Variants in IQCH observed in about 807,000 individuals in gnomAD.
The protein encoded by IQCH is IQ motif containing H.
In IQCH, 98 loss-of-function variants were observed where a neutral mutation model predicts 117.0. That is an observed-to-expected ratio of 0.84 (90% confidence interval 0.71 to 0.99). IQCH has a LOEUF of 0.99. Among genes scored for constraint, IQCH ranks in the 50% least tolerant of loss-of-function variants. The pLI, the probability that IQCH is intolerant of heterozygous loss-of-function variation, is 0.00. For missense variants in IQCH, 1,102 were observed against 1,243.8 expected (o/e 0.89, Z 1.72); for synonymous variants, 412 against 448.2 (o/e 0.92, Z 1.02).
intron 18 of IQCH, among the ~76,000 whole-genome samples, chr15:67,478,036 G>A (rs535307308): frequency 3.3e-5 from 5 of 152,192 alleles, no homozygotes; most frequent in South Asian, 2.1e-4. Flanking sequence ...GGTGGATGGC[G>A]CAGAGGAGAA....
intron 8 of IQCH, among the ~76,000 whole-genome samples, chr15:67,368,799 C>G (rs1316798534): frequency 6.6e-6 from 1 of 152,124 alleles, no homozygotes; most frequent in Non-Finnish European, 1.5e-5. Context: ...CACATACTGT[C>G]CACATACATG....
rs185148268 is a variant in IQCH, at chr15:67,360,142, G to A, written c.753+257G>A. On this transcript the variant is annotated intron_variant, in intron 8 of 20. Transcript: ENST00000335894. ...CTTCAGTCCAAACAAATGACTTAGC[G>A]TCCTTAAAATTTGGCTGAATCACAT... 4.4e-3 allele frequency: 1,760 copies of A among 402,430 alleles called. 2 individuals carry two copies. Among genetic ancestry groups the A allele is most frequent in the Non-Finnish European group, 6.6e-3 (1,505 of 229,084 alleles). 24.9% of individuals were successfully genotyped at this position (402,430 alleles called of 1,614,324 possible).
At chr15:67,495,633 C>A (rs1190326730) in intron 20 of IQCH, among the ~76,000 whole-genome samples, 1 of 152,216 alleles carries the variant, frequency 6.6e-6, no homozygotes, top group Non-Finnish European at 1.5e-5. Context: ...GAATCAGATG[C>A]TTTAACCTCA....
chr15:67,339,720 C>A (rs1161527120), intron 5 of IQCH, among the ~76,000 whole-genome samples: 1 of 152,142 alleles, frequency 6.6e-6, no homozygotes, highest in Admixed American at 6.5e-5. Flanking sequence ...CGAAAACAAT[C>A]TCAAAAACCA....
At chr15:67,329,318 G>T (rs1968556929) in intron 4 of IQCH, among the ~76,000 whole-genome samples, 1 of 149,986 alleles carries the variant, frequency 6.7e-6, no homozygotes. Flanking sequence ...AAAAAATGTT[G>T]TACTTCAATA....
intron 4 of IQCH, among the ~76,000 whole-genome samples, chr15:67,310,214 TAAA>T (rs1396668610): frequency 6.6e-6 from 1 of 152,114 alleles, no homozygotes; most frequent in Non-Finnish European, 1.5e-5. Context: ...TTAAGTATAA[TAAA>T]GAAGAATACC....
intron 4 of IQCH, among the ~76,000 whole-genome samples, chr15:67,320,266 C>G (rs762547954): frequency 7.2e-5 from 11 of 152,128 alleles, no homozygotes; most frequent in Admixed American, 2.0e-4. Context: ...AGTATTTAAA[C>G]AAAAATGCCT....
Position 67,496,718 on chromosome 15 carries a change from A to T in IQCH, c.2970+2352A>T, listed in dbSNP as rs577753891. 2.0e-5 allele frequency among the ~76,000 whole-genome samples: 3 copies of T among 152,034 alleles called. No individual in the cohort carries two copies. The highest frequency in any genetic ancestry group is 4.4e-5 in the Non-Finnish European group (3 of 68,006). ...AGAAGGAGAAGGAGAAAAGAAGAAG[A>T]AATAAAAGTAAAAGTATCGGCCGGG... On this transcript the variant is annotated intron_variant, in intron 20 of 20. Coordinates refer to ENST00000335894, the MANE Select transcript of IQCH (RefSeq NM_001031715.3). The surrounding 1 kb of genome is among the most constrained non-coding windows in gnomAD (Gnocchi z 4.4).
In IQCH at chr15:67,376,586, A is replaced by T. The variant is rs1176433394; in HGVS notation, c.1372+3153A>T. On this transcript the variant is annotated intron_variant, in intron 10 of 20. Transcript: ENST00000335894. This position sits in a 1 kb window ranked among gnomAD's most constrained non-coding sequence, Gnocchi z 5.0. ...ATTGGGGCTGCACTAACTTGTTTGA[A>T]CCCTTCAAATGAAAGCTAAGTAGTT... Among the ~76,000 whole-genome samples the T allele has an allele frequency of 6.6e-6, 1 of 152,192 alleles. No homozygotes were observed. Among genetic ancestry groups the T allele is most frequent in the Non-Finnish European group, 1.5e-5 (1 of 68,036 alleles).
At chr15:67,315,928 A>G (rs1274399735) in intron 4 of IQCH, among the ~76,000 whole-genome samples, 2 of 152,192 alleles carry the variant, frequency 1.3e-5, no homozygotes, top group Non-Finnish European at 2.9e-5. Context: ...CCTGCCTGGA[A>G]CAAACAGAAT....
At chr15:67,292,603 A>G (rs1429830513) in intron 4 of IQCH, among the ~76,000 whole-genome samples, 1 of 152,150 alleles carries the variant, frequency 6.6e-6, no homozygotes, top group African/African-American at 2.4e-5. Context: ...TAACATAAAT[A>G]ACCACTTCTC....
chr15:67,390,141 C>G lies in IQCH; in HGVS notation c.1632+1135C>G, dbSNP rs1230074262. Among the ~76,000 whole-genome samples, 1 of 152,148 alleles carries G rather than the reference C, an allele frequency of 6.6e-6. No individual in the cohort carries two copies. The highest frequency in any genetic ancestry group is 1.5e-5 in the Non-Finnish European group (1 of 68,022). ...GGGGCTGGGGAAGCAAAAGAAAGGA[C>G]AAGTGACAAATCACTGCCGTTTATG... On this transcript the variant is annotated intron_variant, in intron 12 of 20. Coordinates refer to ENST00000335894, the MANE Select transcript of IQCH (RefSeq NM_001031715.3). The surrounding 1 kb of genome is among the most constrained non-coding windows in gnomAD (Gnocchi z 5.0).
Position 67,433,374 on chromosome 15 carries a change from T to C in IQCH, c.2505+11797T>C, listed in dbSNP as rs990437665. The stretch of plus-strand genomic sequence containing the variant: ...GGTAAACTAGTGGCCAACTTTGCTA[T>C]GTATATATTACCATTTGTGACTGTC... On this transcript the variant is annotated intron_variant, in intron 16 of 20. Transcript: ENST00000335894. This position sits in a 1 kb window ranked among gnomAD's most constrained non-coding sequence, Gnocchi z 5.4. Among the ~76,000 whole-genome samples, 3 of 152,242 alleles carry C rather than the reference T, an allele frequency of 2.0e-5. No individual in the cohort carries two copies. Among genetic ancestry groups the C allele is most frequent in the African/African-American group, 7.2e-5 (3 of 41,468 alleles).
chr15:67,301,382 G>A (rs1596135061), intron 4 of IQCH, among the ~76,000 whole-genome samples: 2 of 142,456 alleles, frequency 1.4e-5, no homozygotes, highest in East Asian at 2.2e-4. Flanking sequence ...GAATTTCAGT[G>A]AAACATTTGT....
At position 67,469,067 on chromosome 15, in the gene IQCH, T is replaced by C. The variant is rs185036795; in HGVS notation, c.2676+3770T>C. 2.3e-4 allele frequency among the ~76,000 whole-genome samples: 35 copies of C among 152,376 alleles called. No individual in the cohort carries two copies. The East Asian group carries it at 3.3e-3, about 14-fold the overall frequency. The stretch of plus-strand genomic sequence containing the variant: ...CTTTATTTAGCTTGAAGCATTCTTG[T>C]TAAATTGTGATTTAGAAAGGTAGTT... On this transcript the variant is annotated intron_variant, in intron 17 of 20. Transcript: ENST00000335894.
At position 67,369,062 on chromosome 15, in the gene IQCH, A is replaced by G. The variant is rs1382482138; in HGVS notation, c.754-3049A>G. On this transcript the variant is annotated intron_variant, in intron 8 of 20. Transcript: ENST00000335894. The surrounding 1 kb of genome is among the most constrained non-coding windows in gnomAD (Gnocchi z 5.2). Reference sequence around the variant, plus strand: ...CACCACACCCAGCTAGTATTTCTAAATTTTAGAATGCAACACTGGGTCTAT... The same window carrying G: ...CACCACACCCAGCTAGTATTTCTAAGTTTTAGAATGCAACACTGGGTCTAT... Among the ~76,000 whole-genome samples, 1 of 152,066 alleles carries G rather than the reference A, an allele frequency of 6.6e-6. No homozygotes were observed. The highest frequency in any genetic ancestry group is 1.5e-5 in the Non-Finnish European group (1 of 68,024).
intron 4 of IQCH, among the ~76,000 whole-genome samples, chr15:67,302,711 G>A (rs1352790932): frequency 2.0e-5 from 3 of 152,110 alleles, no homozygotes; most frequent in Non-Finnish European, 4.4e-5. Context: ...ACAAAAATTA[G>A]CCGGGTGTGG....
At chr15:67,278,428 T>A (rs1410891330) in intron 3 of IQCH, among the ~76,000 whole-genome samples, 2 of 152,324 alleles carry the variant, frequency 1.3e-5, no homozygotes, top group East Asian at 3.9e-4. Flanking sequence ...GAGAAATTTG[T>A]CAATTAGAGC....
intron 2 of IQCH, among the ~76,000 whole-genome samples, chr15:67,262,755 T>G (rs1460487108): frequency 6.6e-6 from 1 of 152,028 alleles, no homozygotes; most frequent in African/African-American, 2.4e-5. Flanking sequence ...TGTGGTGGCA[T>G]GTGCCTGTGG....
Sources: gnomAD v4.1 joint callset for allele counts (sites outside exome capture counted in the v4.1 genomes callset) on GRCh38, gnomAD v4.1.1 for gene constraint, Gnocchi (gnomAD v3.1) non-coding constraint, MANE v1.5 for transcripts, NCBI Gene and HGNC (gene_info 2026-07-23, HGNC 2026-07-21) for gene names.